DSE: variants seen among roughly 807,000 people sequenced by gnomAD.
DSE encodes dermatan-sulfate epimerase.
DSE carries 36 observed loss-of-function variants against 84.4 expected under a neutral mutation model. The ratio of observed to expected loss-of-function variants is 0.43; its 90% CI spans 0.33 to 0.56. The LOEUF is 0.56. DSE is among the 20% of genes least tolerant of loss of function. DSE has a pLI of 0.06. For missense variants in DSE, 862 were observed against 1,169.6 expected (o/e 0.74, Z 3.84); for synonymous variants, 410 against 430.1 (o/e 0.95, Z 0.58).
At chr6:116,417,450 T>A (rs1490409112) in intron 2 of DSE, among the ~76,000 whole-genome samples, 1 of 152,204 alleles carries the variant, frequency 6.6e-6, no homozygotes, top group Admixed American at 6.5e-5. Flanking sequence ...TACTTTTCAT[T>A]TGAGTAAAAT....
At chr6:116,316,948 A>ATAATC (rs2114748132) in intron 2 of DSE, among the ~76,000 whole-genome samples, 1 of 152,202 alleles carries the variant, frequency 6.6e-6, no homozygotes, top group East Asian at 1.9e-4. Flanking sequence ...ATTATCCAAG[A>ATAATC]AGCAGATGCT....
At chr6:116,296,422 A>G (rs940839697) in intron 2 of DSE, among the ~76,000 whole-genome samples, 2 of 152,182 alleles carry the variant, frequency 1.3e-5, no homozygotes, top group Admixed American at 6.5e-5. Flanking sequence ...ATCCCTGCCT[A>G]TTAGGAGTTT....
In DSE at chr6:116,313,755, T is replaced by G. The variant is rs182234391; in HGVS notation, c.-54+54788T>G. On this transcript the variant is annotated intron_variant, in intron 2 of 3. Transcript: ENST00000430252. ...GTTTAATCACATGATTAACAATCAT[T>G]GGGTGAATCGGTTCATATAAGAATA... Among the ~76,000 whole-genome samples, 6 of 152,330 alleles carry G rather than the reference T, an allele frequency of 3.9e-5. No homozygotes were observed. In the East Asian group the frequency reaches 1.2e-3, roughly 29 times the overall value.
chr6:116,344,367 T>G (rs981643679), intron 2 of DSE, among the ~76,000 whole-genome samples: 3 of 152,126 alleles, frequency 2.0e-5, no homozygotes, highest in African/African-American at 7.2e-5. Flanking sequence ...GGAAAAAATG[T>G]TAAGGGCAGC....
intron 2 of DSE, among the ~76,000 whole-genome samples, chr6:116,343,764 C>G (rs895354086): frequency 4.6e-5 from 7 of 152,140 alleles, no homozygotes; most frequent in Non-Finnish European, 7.4e-5. Context: ...AGCAACAGAA[C>G]AAAGCTGGAT....
At chr6:116,259,253 T>A in intron 2 of DSE, 1 of 588,218 alleles carries the variant, frequency 1.7e-6, no homozygotes, top group South Asian at 2.1e-5. Flanking sequence ...TATTTTAAAA[T>A]ATAAATGCTT....
exon 1 of DSE, chr6:116,254,247 G>A (rs945449818): frequency 1.0e-5 from 7 of 694,332 alleles, no homozygotes; most frequent in African/African-American, 7.0e-5. Context: ...TCGTCAGTCT[G>A]GAAGGGGAGT....
At chr6:116,347,217 G>A (rs1778030049) in intron 2 of DSE, among the ~76,000 whole-genome samples, 1 of 152,140 alleles carries the variant, frequency 6.6e-6, no homozygotes, top group Non-Finnish European at 1.5e-5. Context: ...TAGATTCAGT[G>A]CCATCCCCAT....
intron 2 of DSE, among the ~76,000 whole-genome samples, chr6:116,409,521 C>T (rs1782173189): frequency 6.6e-6 from 1 of 152,108 alleles, no homozygotes; most frequent in Non-Finnish European, 1.5e-5. Flanking sequence ...CCTCATGATC[C>T]GCCCACCTTG....
intron 2 of DSE, among the ~76,000 whole-genome samples, chr6:116,357,984 C>CCGGA (rs1464449252): frequency 2.6e-5 from 4 of 152,110 alleles, no homozygotes; most frequent in African/African-American, 9.7e-5. Flanking sequence ...ATTAAAATGT[C>CCGGA]CCTAGGCAAA....
At chr6:116,414,452 G>A (rs1285786010) in intron 2 of DSE, among the ~76,000 whole-genome samples, 2 of 151,518 alleles carry the variant, frequency 1.3e-5, no homozygotes, top group Non-Finnish European at 2.9e-5. Context: ...CGCTCTTGTT[G>A]CCCAGGATGG....
At chr6:116,411,546 C>T (rs1782354190) in intron 2 of DSE, among the ~76,000 whole-genome samples, 1 of 151,786 alleles carries the variant, frequency 6.6e-6, no homozygotes, top group Non-Finnish European at 1.5e-5. Flanking sequence ...CTTGTAACAA[C>T]TTAGTGAGCA....
intron 2 of DSE, among the ~76,000 whole-genome samples, chr6:116,303,926 G>A (rs1449444359): frequency 6.6e-6 from 1 of 151,986 alleles, no homozygotes; most frequent in African/African-American, 2.4e-5. Context: ...ACAAGGTCAG[G>A]AGATCGAGAC....
At chr6:116,408,217 T>C (rs1331339443) in intron 2 of DSE, among the ~76,000 whole-genome samples, 1 of 152,246 alleles carries the variant, frequency 6.6e-6, no homozygotes, top group African/African-American at 2.4e-5. Context: ...AACTTCTTTC[T>C]AGAAAATTTC....
chr6:116,382,037 C>CTGTGTGTGTGTGTGTGTGTG (rs58610779), intron 1 of DSE, among the ~76,000 whole-genome samples: 8 of 144,866 alleles, frequency 5.5e-5, no homozygotes, highest in South Asian at 2.3e-4. Context: ...ACATGGCATT[C>CTGTGTGTGTGTGTGTGTGTG]TGTGTGTGTG....
At chr6:116,348,048 GTCA>G (rs1778093508) in intron 2 of DSE, among the ~76,000 whole-genome samples, 1 of 152,152 alleles carries the variant, frequency 6.6e-6, no homozygotes, top group South Asian at 2.1e-4. Flanking sequence ...TTAAAAAATG[GTCA>G]TCATCACTGG....
chr6:116,313,308 C>T (rs1417922830), intron 2 of DSE, among the ~76,000 whole-genome samples: 1 of 152,186 alleles, frequency 6.6e-6, no homozygotes, highest in Non-Finnish European at 1.5e-5. Context: ...ACAATAAATT[C>T]CTGTTATTTT....
chr6:116,378,235 A>G (rs904685505), intron 1 of DSE, among the ~76,000 whole-genome samples: 5 of 152,184 alleles, frequency 3.3e-5, no homozygotes, highest in Admixed American at 1.3e-4. Flanking sequence ...ATCCTTTAGG[A>G]TGGATTTCTG....
At chr6:116,426,467 T>C in intron 2 of DSE, 107 bp from the exon 3 acceptor site, 1 of 1,440,882 alleles carries the variant, frequency 6.9e-7, no homozygotes, top group Non-Finnish European at 9.4e-7. Context: ...AGCCCTTGGA[T>C]TATATCTTCA....
Sources: allele counts gnomAD v4.1 joint callset (sites outside exome capture counted in the v4.1 genomes callset), GRCh38; gene constraint gnomAD v4.1.1; transcripts MANE v1.5; gene names NCBI Gene and HGNC (gene_info 2026-07-23, HGNC 2026-07-21).